The following MTCL1 variants were observed in gnomAD, a reference collection of about 807,000 sequenced individuals.
The protein encoded by MTCL1 is microtubule cross-linking factor 1.
In MTCL1, 79 loss-of-function variants were observed where a neutral mutation model predicts 141.4. The ratio of observed to expected loss-of-function variants is 0.56; its 90% CI spans 0.47 to 0.67. The LOEUF (loss-of-function observed/expected upper bound fraction) is 0.67. Ranked by LOEUF, MTCL1 falls within the 30% of genes least tolerant of loss-of-function variation. The pLI, the probability that MTCL1 is intolerant of heterozygous loss-of-function variation, is 0.00. For missense variants in MTCL1, 2,177 were observed against 2,113.9 expected (o/e 1.03, Z -0.59); for synonymous variants, 914 against 875.8 (o/e 1.04, Z -0.77).
At chr18:8,805,102 A>AATATATATAGAATATATATATATAT (rs1555667468) in intron 10 of MTCL1, among the ~76,000 whole-genome samples, 28 of 146,366 alleles carry the variant, frequency 1.9e-4, no homozygotes, top group African/African-American at 6.4e-4. Context: ...TTTATTTTTG[A>AATATATATAGAATATATATATATAT]ATATATATAT....
At chr18:8,825,837 C>G (rs762793280) in exon 15 of MTCL1, 1 of 1,614,094 alleles carries the variant, frequency 6.2e-7, no homozygotes, top group African/African-American at 1.3e-5. Flanking sequence ...TAATGATGGC[C>G]TCTCCAGCCT....
chr18:8,763,891 C>T (rs1354214940), intron 4 of MTCL1, among the ~76,000 whole-genome samples: 1 of 152,110 alleles, frequency 6.6e-6, no homozygotes, highest in African/African-American at 2.4e-5. Flanking sequence ...AAATAATGCC[C>T]TCTTACTGTG....
intron 4 of MTCL1, among the ~76,000 whole-genome samples, chr18:8,773,986 A>G (rs1431043195): frequency 6.6e-6 from 1 of 152,120 alleles, no homozygotes; most frequent in Admixed American, 6.5e-5. Context: ...TCACCAATTT[A>G]TTTTTCTAAA....
chr18:8,797,776 A>C (rs79789585), intron 9 of MTCL1, among the ~76,000 whole-genome samples: 2 of 152,236 alleles, frequency 1.3e-5, no homozygotes, highest in Non-Finnish European at 2.9e-5. Flanking sequence ...ATTGTTTTAA[A>C]GTTTCCTGTT....
chr18:8,755,365 T>C (rs2096391885), intron 4 of MTCL1, among the ~76,000 whole-genome samples: 1 of 152,232 alleles, frequency 6.6e-6, no homozygotes, highest in Non-Finnish European at 1.5e-5. Context: ...CTTGATTTTC[T>C]CCTCAACAGG....
intron 3 of MTCL1, 146 bp downstream of exon 2, chr18:8,718,794 A>T (rs1327154763): frequency 1.5e-6 from 1 of 680,688 alleles, no homozygotes; most frequent in African/African-American, 1.8e-5. Context: ...TGGCTTATAG[A>T]GTGTGTGTAG....
intron 3 of MTCL1, among the ~76,000 whole-genome samples, chr18:8,719,266 G>T (rs1255641298): frequency 6.6e-6 from 1 of 152,156 alleles, no homozygotes; most frequent in African/African-American, 2.4e-5. Context: ...ATCTGGAGAT[G>T]AATTATGCAT....
chr18:8,756,325 GTA>G (rs912787343), intron 4 of MTCL1, among the ~76,000 whole-genome samples: 1 of 151,348 alleles, frequency 6.6e-6, no homozygotes, highest in Non-Finnish European at 1.5e-5. Flanking sequence ...ATGTATGTGT[GTA>G]TATATATGTG....
In MTCL1 at chr18:8,784,847, A is replaced by T; in HGVS notation, c.1731+4A>T. On this transcript the variant is annotated splice_donor_region_variant and intron_variant, in intron 6 of 16. Coordinates refer to ENST00000359865, the Ensembl canonical transcript of MTCL1. The stretch of plus-strand genomic sequence containing the variant: ...GGAGCTGGGCCCAGACTTGCAGGTA[A>T]GGGGGCTCGTGGCTTCGCCTCCCTG... 1 of 1,577,316 alleles carries T rather than the reference A, an allele frequency of 6.3e-7. No individual in the cohort carries two copies.
intron 5 of MTCL1, among the ~76,000 whole-genome samples, chr18:8,778,187 T>C (rs780575789): frequency 6.6e-6 from 1 of 152,186 alleles, no homozygotes; most frequent in Non-Finnish European, 1.5e-5. Flanking sequence ...TACTTATAAA[T>C]GGTAAAAAGT....
chr18:8,726,524 A>AGG (rs2096215132), intron 4 of MTCL1, among the ~76,000 whole-genome samples: 1 of 115,522 alleles, frequency 8.7e-6, no homozygotes, highest in African/African-American at 3.1e-5. Flanking sequence ...CGAGCGAGAG[A>AGG]GAGCGAGTGC....
chr18:8,734,884 C>T (rs944559312), intron 4 of MTCL1, among the ~76,000 whole-genome samples: 4 of 152,190 alleles, frequency 2.6e-5, no homozygotes, highest in South Asian at 2.1e-4. Flanking sequence ...TTCAGGTCAG[C>T]AGCAGTGTGC....
chr18:8,706,780 G>A, intron 1 of MTCL1, 67 bp downstream of exon 1: 1 of 1,527,246 alleles, frequency 6.5e-7, no homozygotes, highest in Non-Finnish European at 8.8e-7. Flanking sequence ...GCGGGGACCC[G>A]CCAACCCCTC....
intron 4 of MTCL1, among the ~76,000 whole-genome samples, chr18:8,721,143 T>C (rs1052643040): frequency 2.6e-5 from 4 of 152,238 alleles, no homozygotes; most frequent in African/African-American, 7.2e-5. Context: ...TGACTTCCAT[T>C]ATAAGATTAA....
intron 4 of MTCL1, among the ~76,000 whole-genome samples, chr18:8,724,184 T>C (rs2096192394): frequency 6.6e-6 from 1 of 152,128 alleles, no homozygotes; most frequent in South Asian, 2.1e-4. Context: ...CCGAGGTGGG[T>C]GGATCACCTG....
intron 7 of MTCL1, 22 bp downstream of exon 6, chr18:8,786,113 C>CCT (rs1555655954): frequency 2.2e-6 from 3 of 1,383,500 alleles, no homozygotes; most frequent in South Asian, 2.5e-5. Context: ...CAAGCAATCC[C>CCT]CCCCCCCCGC....
chr18:8,725,658 G>A (rs2096203434), intron 4 of MTCL1, among the ~76,000 whole-genome samples: 1 of 151,356 alleles, frequency 6.6e-6, no homozygotes, highest in Non-Finnish European at 1.5e-5. Context: ...TGACTCATTT[G>A]TTCGCTGTAT....
Position 8,784,662 on chromosome 18 carries a change from C to T in MTCL1, c.1550C>T (p.Ala517Val), listed in dbSNP as rs909040224. Residue 517 changes from alanine to valine, a missense_variant, in exon 6 of 17, where the codon GCC becomes GTC. Physicochemically the swap from Ala to Val is moderately conservative, Grantham distance 64. Coordinates refer to ENST00000359865, the Ensembl canonical transcript of MTCL1. ...CCCCAGCTGCTGGGGACCATCAACG[C>T]CAAGATGAAGGCTTTCAAGAAAGAG... 2.5e-6 allele frequency: 4 copies of T among 1,614,102 alleles called. No individual in the cohort carries two copies. In the Admixed American group the frequency reaches 5.0e-5, roughly 20 times the overall value.
chr18:8,802,424 T>C (rs1196501376), intron 10 of MTCL1: 2 of 152,230 alleles, frequency 1.3e-5, no homozygotes, highest in African/African-American at 4.8e-5. Context: ...TAGTCGGTGG[T>C]GGTTTAGCTC....
Sources: gnomAD v4.1 joint callset for allele counts (sites outside exome capture counted in the v4.1 genomes callset) on GRCh38, gnomAD v4.1.1 for gene constraint, MANE v1.5 for transcripts, NCBI Gene and HGNC (gene_info 2026-07-23, HGNC 2026-07-21) for gene names.